The following ERBB2 variants were observed in gnomAD, a reference collection of about 807,000 sequenced individuals.
ERBB2 encodes the protein receptor tyrosine-protein kinase erbB-2.
ERBB2 carries 61 observed loss-of-function variants against 149.0 expected under a neutral mutation model. That is an observed-to-expected ratio of 0.41 (90% confidence interval 0.33 to 0.51). ERBB2 has a LOEUF of 0.51. ERBB2 is among the 20% of genes least tolerant of loss of function. The pLI, the probability that ERBB2 is intolerant of heterozygous loss-of-function variation, is 0.25. For missense variants in ERBB2, 1,205 were observed against 1,655.1 expected, an observed-to-expected ratio of 0.73 and a Z score of 4.72; for synonymous variants, 633 against 678.8, an observed-to-expected ratio of 0.93 and a Z score of 1.05.
At chr17:39,694,318 C>CACATATATGTGTGTATATATATATATAT (rs1567888416), upstream of ERBB2, among the ~76,000 whole-genome samples, 1 of 83,900 alleles carries the variant, frequency 1.2e-5, no homozygotes, top group African/African-American at 4.6e-5. Flanking sequence ...TATATATACA[C>CACATATATGTGTGTATATATATATATAT]ACACACATAT....
rs1337217429 is a variant in ERBB2 at position 39,727,457 on chromosome 17, C to T, written c.3322C>T (p.Pro1108Ser). Residue 1108 changes from proline to serine, a missense_variant, in exon 26 of 27, where the codon CCT (proline) becomes TCT (serine). Pro to Ser is a moderately conservative substitution (Grantham distance 74). Transcript: ENST00000269571. The surrounding 1 kb of genome is among the most constrained non-coding windows in gnomAD (Gnocchi z 4.3). Reference protein sequence around the residue: ...LQSLPTHDPSPLQRYSEDPTV... With the variant: ...LQSLPTHDPSSLQRYSEDPTV... ...AAGCCTCCCCACACATGACCCCAGC[C>T]CTCTACAGCGGTACAGTGAGGACCC... 1 of 1,610,746 alleles carries T rather than the reference C, an allele frequency of 6.2e-7. No homozygotes were observed. The highest frequency in any genetic ancestry group is 1.7e-5 in the Admixed American group (1 of 58,638).
chr17:39,705,189 G>C (rs2952154), intron 1 of ERBB2, among the ~76,000 whole-genome samples: 3,838 of 152,096 alleles, frequency 0.025, 177 homozygotes, highest in African/African-American at 0.088. Context: ...TTACTGTGGC[G>C]GCCCCCACTC....
At position 39,718,678 on chromosome 17, in the gene ERBB2, C is replaced by T. The variant is rs564643142; in HGVS notation, c.1899-1109C>T. Among the ~76,000 whole-genome samples the T allele has an allele frequency of 6.6e-5, 10 of 151,900 alleles. 1 individual carries two copies. The East Asian group carries it at 2.0e-3, about 30-fold the overall frequency. ...CCAGGTGTGGTGATGCTGTTCTGCA[C>T]TTTGCTTTCCCCCCGACTTGAGGTA... On this transcript the variant is annotated intron_variant, in intron 15 of 26. Coordinates refer to ENST00000269571, the MANE Select transcript of ERBB2 (RefSeq NM_004448.4).
At chr17:39,695,250 C>T (rs1463601668), upstream of ERBB2, 1 of 152,306 alleles carries the variant, frequency 6.6e-6, no homozygotes, top group African/African-American at 2.4e-5. Context: ...AAAGCTACTC[C>T]TGGGGCCTGG....
intron 15 of ERBB2, among the ~76,000 whole-genome samples, chr17:39,719,545 TC>T (rs1376953038): frequency 6.6e-6 from 1 of 152,140 alleles, no homozygotes; most frequent in African/African-American, 2.4e-5. Context: ...TGGGTGCCCC[TC>T]CCCGCTTCCT....
At chr17:39,724,252 G>A (rs749539611) in intron 19 of ERBB2, among the ~76,000 whole-genome samples, 3 of 107,992 alleles carry the variant, frequency 2.8e-5, no homozygotes, top group Non-Finnish European at 6.3e-5. Context: ...CTGAGTAGCT[G>A]GGATTACAAG....
chr17:39,710,991 C>A (rs1053539817), intron 7 of ERBB2, among the ~76,000 whole-genome samples: 7 of 152,186 alleles, frequency 4.6e-5, no homozygotes, highest in African/African-American at 1.7e-4. Flanking sequence ...CCTCCGCCTC[C>A]CAGGTTCGTG....
chr17:39,712,969 G>T (rs115761749), intron 9 of ERBB2, among the ~76,000 whole-genome samples: 1 of 152,166 alleles, frequency 6.6e-6, no homozygotes, highest in African/African-American at 2.4e-5. Flanking sequence ...AGATCAGAAC[G>T]GTGGTTGCCC....
At position 39,708,363 on chromosome 17, in the gene ERBB2, C is replaced by A. The variant is rs2058587131; in HGVS notation, c.268C>A (p.Gln90Lys). ...VQGYVLIAHN[Q>K]VRQVPLQRLR... ...GGGCTACGTGCTCATCGCTCACAAC[C>A]AAGTGAGGCAGGTCCCACTGCAGAG... Residue 90 changes from glutamine to lysine, a missense_variant, in exon 3 of 27, where the codon CAA (glutamine) becomes AAA (lysine). Gln to Lys is a moderately conservative substitution (Grantham distance 53). This residue lies in a region of ERBB2 where 569 missense variants were observed against 803.5 expected (regional missense o/e 0.71). Coordinates refer to ENST00000269571, the MANE Select transcript of ERBB2 (RefSeq NM_004448.4). 1 of 1,614,184 alleles carries A rather than the reference C, an allele frequency of 6.2e-7. No homozygotes were observed. The highest frequency in any genetic ancestry group is 8.5e-7 in the Non-Finnish European group (1 of 1,180,030).
upstream of ERBB2, among the ~76,000 whole-genome samples, chr17:39,697,690 T>G (rs2057899193): frequency 6.6e-6 from 1 of 151,508 alleles, no homozygotes; most frequent in South Asian, 2.1e-4. Flanking sequence ...TTCCTTTCTC[T>G]CTCTTGCTCT....
In ERBB2 at chr17:39,707,025, G is replaced by A. The variant is rs765607521; in HGVS notation, c.109G>A (p.Ala37Thr). The change falls in exon 2 of 27, where the codon GCC becomes ACC. Residue 37 changes from alanine to threonine, a missense_variant. Physicochemically the swap from Ala to Thr is moderately conservative, Grantham distance 58. Around this residue, in one of 6 missense-constraint regions of ERBB2, gnomAD observed 101 missense variants for 95.1 expected, o/e 1.06. Transcript: ENST00000269571. ...CACAGACATGAAGCTGCGGCTCCCT[G>A]CCAGTCCCGAGACCCACCTGGACAT... ...TGTDMKLRLPASPETHLDMLR... is the reference protein window; with the variant it reads ...TGTDMKLRLPTSPETHLDMLR... 1 of 1,602,038 alleles carries A rather than the reference G, an allele frequency of 6.2e-7. No individual in the cohort carries two copies. Among genetic ancestry groups the A allele is most frequent in the East Asian group, 2.3e-5 (1 of 43,584 alleles).
rs2059732600 is a variant in ERBB2, at chr17:39,725,931, G to A, written c.2872+78G>A. ...GGAGGAGCCCACAAGGGGCATGAAA[G>A]GGGACCAGGATGTATGTAGACCCAG... On this transcript the variant is annotated intron_variant, in intron 23 of 26. Coordinates refer to ENST00000269571, the MANE Select transcript of ERBB2 (RefSeq NM_004448.4). The surrounding 1 kb of genome is among the most constrained non-coding windows in gnomAD (Gnocchi z 4.6). The A allele has an allele frequency of 6.6e-7, 1 of 1,507,366 alleles. No individual in the cohort carries two copies. Among genetic ancestry groups the A allele is most frequent in the Non-Finnish European group, 9.1e-7 (1 of 1,096,298 alleles). 93.4% of individuals were successfully genotyped at this position (1,507,366 alleles called of 1,614,324 possible). A position where few individuals can be genotyped will look rare whatever the true frequency, so the allele number is the denominator to read the frequency against.
chr17:39,725,147 C>T lies in ERBB2; in HGVS notation c.2592C>T (p.Phe864=), dbSNP rs151263346. 1.5e-5 allele frequency: 25 copies of T among 1,614,090 alleles called. No homozygotes were observed. The highest frequency in any genetic ancestry group is 5.0e-5 in the Admixed American group (3 of 60,012). The change falls in exon 21 of 27, where the codon TTC becomes TTT. Residue 864 remains phenylalanine (F), a synonymous_variant. Transcript: ENST00000269571. This position sits in a 1 kb window ranked among gnomAD's most constrained non-coding sequence, Gnocchi z 4.6. ...CCAACCATGTCAAAATTACAGACTT[C>T]GGGCTGGCTCGGCTGCTGGACATTG... ...KSPNHVKITD[F]GLARLLDIDE...
rs1376720802 is a variant in ERBB2 at position 39,708,546 on chromosome 17, C to T, written c.439+12C>T. ...TCGAAGCCTCACAGGTGGCCTTCAC[C>T]GTCATTGAAACCTTCTCTTGGTTAT... On this transcript the variant is annotated intron_variant, in intron 3 of 26. Coordinates refer to ENST00000269571, the MANE Select transcript of ERBB2 (RefSeq NM_004448.4). 1.0e-5 allele frequency: 16 copies of T among 1,607,828 alleles called. No homozygotes were observed. Among genetic ancestry groups the T allele is most frequent in the South Asian group, 5.5e-5 (5 of 90,866 alleles).
In ERBB2 at chr17:39,726,193, G is replaced by A; in HGVS notation, c.2872+340G>A. ...TACAAAAAATAAAAAAATTATCTGG[G>A]TGTGGTGGTGTGTGCCAGTAGTCCC... is the stretch of plus-strand genomic sequence containing the variant. On this transcript the variant is annotated intron_variant, in intron 23 of 26. Coordinates refer to ENST00000269571, the MANE Select transcript of ERBB2 (RefSeq NM_004448.4). The surrounding 1 kb of genome is among the most constrained non-coding windows in gnomAD (Gnocchi z 5.1). 2.5e-6 allele frequency: 1 copy of A among 398,978 alleles called. No individual in the cohort carries two copies. 24.7% of individuals were successfully genotyped at this position (398,978 alleles called of 1,614,324 possible). A position where few individuals can be genotyped will look rare whatever the true frequency, so the allele number is the denominator to read the frequency against.
chr17:39,723,257 C>A lies in ERBB2; in HGVS notation c.1947-62C>A. 23 of 1,538,764 alleles carry A rather than the reference C, an allele frequency of 1.5e-5. No individual in the cohort carries two copies. Among genetic ancestry groups the A allele is most frequent in the Non-Finnish European group, 1.9e-5 (21 of 1,119,518 alleles). On this transcript the variant is annotated intron_variant, in intron 16 of 26. Transcript: ENST00000269571. This position sits in a 1 kb window ranked among gnomAD's most constrained non-coding sequence, Gnocchi z 6.2. ...CAAACACCTTCATGTCCCCCGTGGGCCCCCTTTGTCCCTCCCACCCCAAAC... is the reference window on the plus strand; with the variant it reads ...CAAACACCTTCATGTCCCCCGTGGGACCCCTTTGTCCCTCCCACCCCAAAC...
chr17:39,704,898 G>A (rs750218507), intron 1 of ERBB2, among the ~76,000 whole-genome samples: 6 of 152,110 alleles, frequency 3.9e-5, no homozygotes, highest in African/African-American at 9.7e-5. Flanking sequence ...GGTGTTTATC[G>A]GTGGCATTGG....
chr17:39,693,713 G>A (rs1204810971), upstream of ERBB2, among the ~76,000 whole-genome samples: 1 of 151,280 alleles, frequency 6.6e-6, no homozygotes, highest in Non-Finnish European at 1.5e-5. Flanking sequence ...AGCTGAGATT[G>A]CACCGTTGCA....
At chr17:39,691,957 A>ATATCTC (rs964668266), upstream of ERBB2, among the ~76,000 whole-genome samples, 2 of 145,366 alleles carry the variant, frequency 1.4e-5, no homozygotes, top group African/African-American at 5.1e-5. Flanking sequence ...ATATATATAT[A>ATATCTC]TCTCTTGTGT....
Sources: allele counts gnomAD v4.1 joint callset (sites outside exome capture counted in the v4.1 genomes callset), GRCh38; gene constraint gnomAD v4.1.1; regional missense constraint gnomAD v4.1.1; non-coding constraint Gnocchi (gnomAD v3.1); transcripts MANE v1.5; gene names NCBI Gene and HGNC (gene_info 2026-07-23, HGNC 2026-07-21).